The following GLIS3 variants were observed in gnomAD, a reference collection of about 807,000 sequenced individuals.
GLIS3 encodes GLIS family zinc finger 3.
GLIS3 carries 53 observed loss-of-function variants against 78.6 expected under a neutral mutation model. That is an observed-to-expected ratio of 0.67 (90% CI 0.54 to 0.85). The LOEUF is 0.85. Ranked by LOEUF, GLIS3 falls within the 40% of genes least tolerant of loss-of-function variation. The pLI, the probability that GLIS3 is intolerant of heterozygous loss-of-function variation, is 0.00. For missense variants in GLIS3, 1,703 were observed against 1,231.1 expected, an observed-to-expected ratio of 1.38 and a Z score of -5.74; for synonymous variants, 684 against 509.9, an observed-to-expected ratio of 1.34 and a Z score of -4.60.
the GLIS3 span, among the ~76,000 whole-genome samples, chr9:4,435,134 T>C: frequency 6.6e-6 from 1 of 152,232 alleles, no homozygotes; most frequent in Non-Finnish European, 1.5e-5. Flanking sequence ...TGGCAGGGTA[T>C]GAATATGGTC....
At chr9:4,235,630 C>T (rs959269000) in intron 2 of GLIS3, among the ~76,000 whole-genome samples, 2 of 152,060 alleles carry the variant, frequency 1.3e-5, no homozygotes, top group African/African-American at 2.4e-5. Context: ...CTCTTTGGAA[C>T]GAAGGTCTTC....
chr9:4,150,419 G>C (rs1461840505), intron 2 of GLIS3, among the ~76,000 whole-genome samples: 2 of 152,234 alleles, frequency 1.3e-5, no homozygotes, highest in East Asian at 1.9e-4. Context: ...ATCTATGCCA[G>C]GGCAAAGTCG....
intron 1 of GLIS3, among the ~76,000 whole-genome samples, chr9:4,289,457 C>A (rs1040038707): frequency 2.0e-5 from 3 of 152,128 alleles, no homozygotes; most frequent in African/African-American, 7.2e-5. Context: ...TGTCTATGGG[C>A]AATACTAACC....
Position 3,863,467 on chromosome 9 carries a change from G to A in GLIS3, c.2298-7283C>T, listed in dbSNP as rs567101912. Among the ~76,000 whole-genome samples, 26 of 152,332 alleles carry A rather than the reference G, an allele frequency of 1.7e-4. No homozygotes were observed. In the South Asian group the frequency reaches 2.3e-3, roughly 13 times the overall value. ...GGGGCAGGGCAAGAGCTGTGTGTCC[G>A]TCTGAGGACTCTGTCCCCAAATAGT... On this transcript the variant is annotated intron_variant, in intron 8 of 10. Transcript: ENST00000381971.
At chr9:4,222,050 C>T (rs956823994) in intron 2 of GLIS3, among the ~76,000 whole-genome samples, 2 of 152,170 alleles carry the variant, frequency 1.3e-5, no homozygotes, top group Non-Finnish European at 2.9e-5. Flanking sequence ...TAGCCACAGA[C>T]CTCAAGGGAG....
chr9:4,241,944 A>G (rs980153934), intron 2 of GLIS3, among the ~76,000 whole-genome samples: 2 of 152,324 alleles, frequency 1.3e-5, no homozygotes, highest in South Asian at 2.1e-4. Context: ...TTGGCCTCCC[A>G]AAGTGCTGAG....
intron 2 of GLIS3, among the ~76,000 whole-genome samples, chr9:4,173,043 G>A (rs949779800): frequency 6.6e-6 from 1 of 152,160 alleles, no homozygotes; most frequent in Non-Finnish European, 1.5e-5. Context: ...GTGGACTTAA[G>A]AAAGCACAGC....
chr9:4,296,410 T>A (rs1013471601), intron 1 of GLIS3, among the ~76,000 whole-genome samples: 6 of 152,156 alleles, frequency 3.9e-5, no homozygotes, highest in African/African-American at 1.4e-4. Flanking sequence ...GGGTATTATT[T>A]AACCTCTCCT....
At chr9:3,994,525 A>G (rs1295481703) in intron 4 of GLIS3, among the ~76,000 whole-genome samples, 2 of 152,230 alleles carry the variant, frequency 1.3e-5, no homozygotes, top group Non-Finnish European at 2.9e-5. Flanking sequence ...AGAGTAAACA[A>G]CTATTTCCAT....
At chr9:4,079,050 A>C (rs778471343) in intron 4 of GLIS3, among the ~76,000 whole-genome samples, 7 of 152,238 alleles carry the variant, frequency 4.6e-5, no homozygotes, top group Non-Finnish European at 7.3e-5. Flanking sequence ...AAACAGCTTA[A>C]TGCAAACAAG....
Position 4,152,418 on chromosome 9 carries a change from A to G in GLIS3, c.389-26477T>C, listed in dbSNP as rs144004139. On this transcript the variant is annotated intron_variant, in intron 2 of 10. Coordinates refer to ENST00000381971, the MANE Select transcript of GLIS3 (RefSeq NM_001042413.2). ...CAAGGTTTACATTTTAATGTAGATT[A>G]TGAGGATTTTCACAGCCTTCATCCA... Among the ~76,000 whole-genome samples the G allele has an allele frequency of 6.1e-4, 93 of 152,326 alleles. 1 individual carries two copies. In the East Asian group the frequency reaches 0.017, roughly 28 times the overall value.
At chr9:4,157,370 C>A (rs970301404) in intron 2 of GLIS3, among the ~76,000 whole-genome samples, 1 of 152,146 alleles carries the variant, frequency 6.6e-6, no homozygotes, top group South Asian at 2.1e-4. Flanking sequence ...GAGCTCTCAA[C>A]AGGGCACGAT....
At chr9:4,321,421 CA>C (rs35583742) in intron 2 of GLIS3, among the ~76,000 whole-genome samples, 12 of 16,294 alleles carry the variant, frequency 7.4e-4, no homozygotes, top group Non-Finnish European at 1.1e-3. Context: ...GACTCCGTCT[CA>C]AAAAAAAAAA....
chr9:4,010,035 C>T (rs141830913), intron 4 of GLIS3, among the ~76,000 whole-genome samples: 2 of 152,258 alleles, frequency 1.3e-5, no homozygotes, highest in Non-Finnish European at 2.9e-5. Flanking sequence ...TTCATTGTGG[C>T]GGGGGGCCAG....
At chr9:4,051,639 T>A (rs762974644) in intron 4 of GLIS3, among the ~76,000 whole-genome samples, 2 of 152,220 alleles carry the variant, frequency 1.3e-5, no homozygotes, top group Non-Finnish European at 2.9e-5. Context: ...ATTTGAAAAC[T>A]GAGTTTTGTT....
At chr9:4,385,396 G>A in the GLIS3 span, among the ~76,000 whole-genome samples, 1 of 152,186 alleles carries the variant, frequency 6.6e-6, no homozygotes, top group South Asian at 2.1e-4. Context: ...AGGCACAGTG[G>A]CTCACGCCTA....
At chr9:4,152,396 G>C (rs1426750428) in intron 2 of GLIS3, among the ~76,000 whole-genome samples, 2 of 152,130 alleles carry the variant, frequency 1.3e-5, no homozygotes, top group African/African-American at 4.8e-5. Flanking sequence ...ACAATAACAA[G>C]GTTTACATTT....
At chr9:4,242,479 C>A (rs572494148) in intron 2 of GLIS3, among the ~76,000 whole-genome samples, 268 of 152,286 alleles carry the variant, frequency 1.8e-3, no homozygotes, top group Non-Finnish European at 3.0e-3. Flanking sequence ...CAAAGCCCCA[C>A]GTTCCACCAA....
At chr9:4,008,121 T>C (rs187138935) in intron 4 of GLIS3, among the ~76,000 whole-genome samples, 4 of 152,324 alleles carry the variant, frequency 2.6e-5, no homozygotes, top group African/African-American at 7.2e-5. Flanking sequence ...CTGAAATATT[T>C]GTTGACCATA....
Sources: allele counts gnomAD v4.1 joint callset (sites outside exome capture counted in the v4.1 genomes callset), GRCh38; gene constraint gnomAD v4.1.1; transcripts MANE v1.5; gene names NCBI Gene and HGNC (gene_info 2026-07-23, HGNC 2026-07-21).